The following DLG1 variants were observed in gnomAD, a reference collection of about 807,000 sequenced individuals.
DLG1 encodes discs large MAGUK scaffold protein 1.
DLG1 carries 42 observed loss-of-function variants against 123.4 expected under a neutral mutation model. That is an observed-to-expected ratio of 0.34 (90% CI 0.27 to 0.44). DLG1 has a LOEUF of 0.44. DLG1 is among the 20% of genes least tolerant of loss of function. The pLI is 1.00. For synonymous variants in DLG1, 317 were observed against 356.2 expected, an observed-to-expected ratio of 0.89 and a Z score of 1.24; for missense variants, 942 against 1,082.6, an observed-to-expected ratio of 0.87 and a Z score of 1.82.
chr3:197,067,019 T>C (rs1381882860), intron 19 of DLG1, among the ~76,000 whole-genome samples: 1 of 152,110 alleles, frequency 6.6e-6, no homozygotes, highest in Non-Finnish European at 1.5e-5. Context: ...AAAATCTTCA[T>C]TTGTGATGCT....
intron 5 of DLG1, among the ~76,000 whole-genome samples, chr3:197,190,581 C>T (rs1471116743): frequency 6.6e-6 from 1 of 152,314 alleles, no homozygotes; most frequent in East Asian, 1.9e-4. Context: ...CACAATGCTT[C>T]GCAACTGTGC....
intron 5 of DLG1, among the ~76,000 whole-genome samples, chr3:197,172,565 C>T (rs931746311): frequency 3.9e-5 from 6 of 152,076 alleles, no homozygotes; most frequent in East Asian, 1.9e-4. Flanking sequence ...TAAAACCATG[C>T]GACTGTCAAA....
At chr3:197,187,782 A>G (rs1716938608) in intron 5 of DLG1, among the ~76,000 whole-genome samples, 1 of 152,138 alleles carries the variant, frequency 6.6e-6, no homozygotes, top group Non-Finnish European at 1.5e-5. Context: ...TCAGTTTTAG[A>G]ACCTTGACAC....
rs897271658 is a variant in DLG1 at position 197,238,334 on chromosome 3, C to T, written c.319-43745G>A. On this transcript the variant is annotated intron_variant, in intron 4 of 24. Transcript: ENST00000667157. ...ACATCAAGACACCACAGATGTTAGA[C>T]TTACCTAACAGAGTTTAAAGTAGGC... is the stretch of plus-strand genomic sequence containing the variant. Among the ~76,000 whole-genome samples, 8 of 152,210 alleles carry T rather than the reference C, an allele frequency of 5.3e-5. 1 individual carries two copies. Among genetic ancestry groups the T allele is most frequent in the African/African-American group, 1.9e-4 (8 of 41,546 alleles).
chr3:197,126,345 G>A (rs377641996), intron 11 of DLG1, among the ~76,000 whole-genome samples: 201 of 152,032 alleles, frequency 1.3e-3, no homozygotes, highest in African/African-American at 3.0e-3. Flanking sequence ...GCGTGGTGGC[G>A]CATGCCTGTA....
In DLG1 at chr3:197,225,414, C is replaced by T. The variant is rs1171144485; in HGVS notation, c.319-30825G>A. ...TTTTGGTGTTTATTTTGTTCAAAAGCTTTCTTTCCTCTATACAATCTAAAT... is the reference window on the plus strand; with the variant it reads ...TTTTGGTGTTTATTTTGTTCAAAAGTTTTCTTTCCTCTATACAATCTAAAT... On this transcript the variant is annotated intron_variant, in intron 4 of 24. Transcript: ENST00000667157. 4.6e-5 allele frequency among the ~76,000 whole-genome samples: 7 copies of T among 152,106 alleles called. No homozygotes were observed. In the South Asian group the frequency reaches 8.3e-4, roughly 18 times the overall value.
intron 5 of DLG1, among the ~76,000 whole-genome samples, chr3:197,156,136 T>C (rs894133920): frequency 9.9e-5 from 15 of 152,190 alleles, no homozygotes; most frequent in African/African-American, 3.6e-4. Flanking sequence ...ATACAATATA[T>C]GAAGATGTAA....
At chr3:197,196,171 CAAAAAA>C (rs71162001) in intron 4 of DLG1, among the ~76,000 whole-genome samples, 2 of 88,726 alleles carry the variant, frequency 2.3e-5, no homozygotes, top group Non-Finnish European at 2.1e-5. Flanking sequence ...AAATGCACAC[CAAAAAA>C]AAAAAAAAAA....
At chr3:197,075,187 A>G (rs1045364115) in intron 18 of DLG1, among the ~76,000 whole-genome samples, 3 of 151,924 alleles carry the variant, frequency 2.0e-5, no homozygotes, top group Non-Finnish European at 4.4e-5. Context: ...GAAGCTTTAC[A>G]TGAAGATTAA....
intron 5 of DLG1, among the ~76,000 whole-genome samples, chr3:197,176,716 T>C (rs1448372269): frequency 6.6e-6 from 1 of 152,196 alleles, no homozygotes; most frequent in Non-Finnish European, 1.5e-5. Flanking sequence ...GAGGAATATG[T>C]TGGTTGCTTC....
rs1420286855 is a variant in DLG1, at chr3:197,051,674, A to G, written c.2484-6T>C. ...TTAGACGCTTATTCATTTCCCTACG[A>G]AAATAAATGTAGAAATTGATAATTA... On this transcript the variant is annotated splice_region_variant and splice_polypyrimidine_tract_variant and intron_variant, in intron 23 of 24. Coordinates refer to ENST00000667157, the MANE Select transcript of DLG1 (RefSeq NM_001366207.1). 2.5e-6 allele frequency: 4 copies of G among 1,604,844 alleles called. No homozygotes were observed. The highest frequency in any genetic ancestry group is 3.4e-6 in the Non-Finnish European group (4 of 1,172,420).
At chr3:197,240,641 C>T (rs535197257) in intron 4 of DLG1, among the ~76,000 whole-genome samples, 10 of 152,002 alleles carry the variant, frequency 6.6e-5, no homozygotes, top group African/African-American at 1.9e-4. Flanking sequence ...CACAGAAATG[C>T]AATTCAGAAA....
chr3:197,123,142 A>C (rs933879924), intron 11 of DLG1, among the ~76,000 whole-genome samples: 1 of 152,180 alleles, frequency 6.6e-6, no homozygotes, highest in Non-Finnish European at 1.5e-5. Context: ...TTACATGCAA[A>C]AATTAGATCA....
At chr3:197,276,222 C>T (rs548361804) in intron 4 of DLG1, among the ~76,000 whole-genome samples, 8 of 152,292 alleles carry the variant, frequency 5.3e-5, no homozygotes, top group African/African-American at 1.9e-4. Context: ...ATGTGTTTAT[C>T]CGATCTCTTA....
chr3:197,137,377 C>T (rs900659789), intron 9 of DLG1, among the ~76,000 whole-genome samples: 4 of 152,148 alleles, frequency 2.6e-5, no homozygotes, highest in African/African-American at 9.7e-5. Flanking sequence ...TTTAACTTAG[C>T]CTGTGTACCT....
At chr3:197,279,199 T>C (rs1307350064) in intron 4 of DLG1, among the ~76,000 whole-genome samples, 1 of 152,194 alleles carries the variant, frequency 6.6e-6, no homozygotes, top group African/African-American at 2.4e-5. Flanking sequence ...ACATGCTTAC[T>C]TTCTCTCATA....
At chr3:197,208,355 A>G (rs999005417) in intron 4 of DLG1, among the ~76,000 whole-genome samples, 1 of 146,786 alleles carries the variant, frequency 6.8e-6, no homozygotes, top group Non-Finnish European at 1.5e-5. Flanking sequence ...CACAACTTCT[A>G]TCAAAATTAT....
intron 4 of DLG1, among the ~76,000 whole-genome samples, chr3:197,227,453 C>T (rs368128314): frequency 7.6e-4 from 115 of 151,082 alleles, no homozygotes; most frequent in African/African-American, 2.6e-3. Context: ...CCAGCCTGGG[C>T]GACAGAGTGA....
chr3:197,286,554 T>C (rs1314625070), intron 3 of DLG1, among the ~76,000 whole-genome samples: 4 of 152,152 alleles, frequency 2.6e-5, no homozygotes, highest in Non-Finnish European at 4.4e-5. Flanking sequence ...TACAGGTCTG[T>C]GGCACGGGAG....
Sources: allele counts gnomAD v4.1 joint callset (sites outside exome capture counted in the v4.1 genomes callset), GRCh38; gene constraint gnomAD v4.1.1; transcripts MANE v1.5; gene names NCBI Gene and HGNC (gene_info 2026-07-23, HGNC 2026-07-21).